The following FBXL17 variants were observed in gnomAD, a reference collection of about 807,000 sequenced individuals.
FBXL17 encodes the protein F-box/LRR-repeat protein 17.
FBXL17 carries 22 observed loss-of-function variants against 66.2 expected under a neutral mutation model. The ratio of observed to expected loss-of-function variants is 0.33; its 90% confidence interval spans 0.24 to 0.47. FBXL17 has a LOEUF of 0.47. Among genes scored for constraint, FBXL17 ranks in the 20% least tolerant of loss-of-function variants. The pLI, the probability that FBXL17 is intolerant of heterozygous loss-of-function variation, is 1.00. For missense variants in FBXL17, 878 were observed against 948.2 expected (o/e 0.93, Z 0.97); for synonymous variants, 474 against 400.5 (o/e 1.18, Z -2.19).
intron 6 of FBXL17, among the ~76,000 whole-genome samples, chr5:108,027,371 CA>C (rs1309495683): frequency 2.6e-5 from 4 of 152,000 alleles, no homozygotes; most frequent in African/African-American, 7.2e-5. Context: ...TCTACTTAAC[CA>C]AAAGTCTTGC....
chr5:108,339,277 A>G (rs1003506437), intron 4 of FBXL17, among the ~76,000 whole-genome samples: 2 of 152,202 alleles, frequency 1.3e-5, no homozygotes, highest in African/African-American at 4.8e-5. Flanking sequence ...TTCTTCCTAG[A>G]TCCAAATAAT....
intron 5 of FBXL17, among the ~76,000 whole-genome samples, chr5:108,201,388 T>A (rs1753887849): frequency 6.6e-6 from 1 of 152,158 alleles, no homozygotes; most frequent in African/African-American, 2.4e-5. Flanking sequence ...TGTGGCTGAT[T>A]GTGGTAGACA....
At chr5:108,021,027 C>T (rs760820277) in intron 6 of FBXL17, 26 bp from the exon 7 acceptor site, 1 of 1,560,208 alleles carries the variant, frequency 6.4e-7, no homozygotes. Flanking sequence ...AGTGGTTATA[C>T]TAATGCGTTT....
intron 6 of FBXL17, among the ~76,000 whole-genome samples, chr5:108,071,714 G>C (rs548762451): frequency 6.6e-6 from 1 of 152,094 alleles, no homozygotes; most frequent in Admixed American, 6.5e-5. Flanking sequence ...TTATCGTGAA[G>C]TGAATACTGC....
At chr5:108,189,536 G>A (rs542498925) in intron 5 of FBXL17, among the ~76,000 whole-genome samples, 2 of 152,208 alleles carry the variant, frequency 1.3e-5, no homozygotes, top group South Asian at 4.1e-4. Flanking sequence ...AGGTATGGTA[G>A]GCAAAATTCT....
At chr5:108,207,632 T>C (rs963100328) in intron 5 of FBXL17, among the ~76,000 whole-genome samples, 1 of 152,310 alleles carries the variant, frequency 6.6e-6, no homozygotes, top group African/African-American at 2.4e-5. Context: ...GTTTCCTCCA[T>C]GACCCTGCAA....
chr5:107,893,024 T>C (rs768088892), intron 7 of FBXL17, among the ~76,000 whole-genome samples: 4 of 152,174 alleles, frequency 2.6e-5, no homozygotes, highest in Admixed American at 6.5e-5. Context: ...AATATACCTG[T>C]CTATCTCTCA....
chr5:107,980,641 A>C (rs1048372825), intron 7 of FBXL17, among the ~76,000 whole-genome samples: 1 of 95,374 alleles, frequency 1.0e-5, no homozygotes, highest in South Asian at 3.8e-4. Context: ...CTGGCCAATA[A>C]AATAATATAT....
intron 4 of FBXL17, among the ~76,000 whole-genome samples, chr5:108,230,292 T>C (rs1755271368): frequency 6.6e-6 from 1 of 152,168 alleles, no homozygotes. Flanking sequence ...GAAACACAAT[T>C]CACAACTGCA....
At chr5:107,927,177 A>G (rs955675617) in intron 7 of FBXL17, among the ~76,000 whole-genome samples, 2 of 152,176 alleles carry the variant, frequency 1.3e-5, no homozygotes, top group Non-Finnish European at 2.9e-5. Flanking sequence ...AAAATGTTAA[A>G]GGTTAATCTA....
chr5:107,930,444 G>A (rs956491337), intron 7 of FBXL17, among the ~76,000 whole-genome samples: 1 of 152,194 alleles, frequency 6.6e-6, no homozygotes, highest in African/African-American at 2.4e-5. Context: ...CCTATGTAAT[G>A]TTAGGCCCCT....
At chr5:108,048,178 C>A (rs1418177382) in intron 6 of FBXL17, among the ~76,000 whole-genome samples, 1 of 152,106 alleles carries the variant, frequency 6.6e-6, no homozygotes, top group Non-Finnish European at 1.5e-5. Flanking sequence ...TGAAGTGAAC[C>A]CCCAACAAAC....
At chr5:107,945,101 A>T (rs1751238656) in intron 7 of FBXL17, among the ~76,000 whole-genome samples, 1 of 152,134 alleles carries the variant, frequency 6.6e-6, no homozygotes, top group African/African-American at 2.4e-5. Flanking sequence ...TAAAAAAAAG[A>T]TATGAATGGA....
chr5:108,058,200 A>G (rs190696251), intron 6 of FBXL17, among the ~76,000 whole-genome samples: 4 of 152,324 alleles, frequency 2.6e-5, no homozygotes, highest in Admixed American at 2.0e-4. Context: ...CCATTTGACC[A>G]TCTCTGTTTT....
intron 8 of FBXL17, chr5:107,878,574 A>G: frequency 1.0e-6 from 1 of 978,692 alleles, no homozygotes; most frequent in Non-Finnish European, 1.2e-6. Flanking sequence ...CTCTCCGCAG[A>G]CCATACCGTT....
chr5:107,932,780 T>C (rs565899437), intron 7 of FBXL17, among the ~76,000 whole-genome samples: 3 of 152,296 alleles, frequency 2.0e-5, no homozygotes, highest in East Asian at 1.9e-4. Flanking sequence ...AAAAAATCCA[T>C]AGACTATCTC....
intron 7 of FBXL17, among the ~76,000 whole-genome samples, chr5:107,972,074 A>G (rs1752394671): frequency 6.6e-6 from 1 of 152,216 alleles, no homozygotes; most frequent in Non-Finnish European, 1.5e-5. Context: ...GTGCCCAGCA[A>G]ATGTGTGTGA....
intron 4 of FBXL17, among the ~76,000 whole-genome samples, chr5:108,285,343 C>T (rs1181094951): frequency 6.6e-6 from 1 of 151,884 alleles, no homozygotes. Flanking sequence ...TTCTTAATGG[C>T]ATCTAGAATG....
chr5:107,958,855 TGAG>T (rs1035543270), intron 7 of FBXL17, among the ~76,000 whole-genome samples: 91 of 152,330 alleles, frequency 6.0e-4, no homozygotes, highest in African/African-American at 2.1e-3. Context: ...GTCATAATGC[TGAG>T]AAGAAAATAA....
Sources: gnomAD v4.1 joint callset for allele counts (sites outside exome capture counted in the v4.1 genomes callset) on GRCh38, gnomAD v4.1.1 for gene constraint, MANE v1.5 for transcripts, NCBI Gene and HGNC (gene_info 2026-07-23, HGNC 2026-07-21) for gene names.